The following AOPEP variants were observed in gnomAD, a reference collection of about 807,000 sequenced individuals.
AOPEP encodes aminopeptidase O.
AOPEP carries 77 observed loss-of-function variants against 98.1 expected under a neutral mutation model. That is an observed-to-expected ratio of 0.78 (90% CI 0.65 to 0.95). The LOEUF is 0.95. Among genes scored for constraint, AOPEP ranks in the 40% least tolerant of loss-of-function variants. The pLI is 0.00. For synonymous variants in AOPEP, 346 were observed against 365.3 expected, an observed-to-expected ratio of 0.95 and a Z score of 0.60; for missense variants, 1,024 against 1,024.7, an observed-to-expected ratio of 1.00 and a Z score of 0.01.
At chr9:95,150,096 G>C in the AOPEP span, 2 of 1,613,716 alleles carry the variant, frequency 1.2e-6, no homozygotes, top group African/African-American at 2.7e-5. Context: ...TTCTATGGAA[G>C]AAATAAGAAA....
intron 11 of AOPEP, among the ~76,000 whole-genome samples, chr9:95,002,209 T>C (rs1276920677): frequency 1.3e-5 from 2 of 152,202 alleles, no homozygotes; most frequent in Non-Finnish European, 2.9e-5. Context: ...TAGAAAGATA[T>C]TCATTTTAAG....
At chr9:95,139,555 C>T in the AOPEP span, among the ~76,000 whole-genome samples, 7 of 152,020 alleles carry the variant, frequency 4.6e-5, no homozygotes, top group South Asian at 2.1e-4. Flanking sequence ...CCTCGTGCCA[C>T]GGAGTATGCC....
the AOPEP span, chr9:95,109,592 T>C: frequency 6.6e-6 from 1 of 152,212 alleles, no homozygotes; most frequent in African/African-American, 2.4e-5. Context: ...AAGGGTGGCT[T>C]GCCCATGAGT....
intron 13 of AOPEP, among the ~76,000 whole-genome samples, chr9:95,016,473 C>A (rs932306706): frequency 4.0e-5 from 6 of 151,796 alleles, no homozygotes; most frequent in African/African-American, 1.2e-4. Context: ...GAACTCCTGA[C>A]CTCAGGTAAT....
chr9:94,920,625 G>A (rs557987751), intron 5 of AOPEP, among the ~76,000 whole-genome samples: 4 of 152,266 alleles, frequency 2.6e-5, no homozygotes, highest in Non-Finnish European at 4.4e-5. Context: ...CTCCATTTCC[G>A]CTCCAAATTG....
intron 5 of AOPEP, among the ~76,000 whole-genome samples, chr9:94,858,015 G>A (rs1478502799): frequency 1.3e-4 from 19 of 151,308 alleles, no homozygotes; most frequent in Admixed American, 1.2e-3. Context: ...CTGGGACTAA[G>A]CAAGTCTCCC....
intron 13 of AOPEP, among the ~76,000 whole-genome samples, chr9:95,044,448 G>A (rs2065648531): frequency 6.6e-6 from 1 of 152,130 alleles, no homozygotes; most frequent in Non-Finnish European, 1.5e-5. Flanking sequence ...TCAGAAATGG[G>A]AGCATCATGC....
chr9:94,892,028 G>T (rs758295974), intron 5 of AOPEP, among the ~76,000 whole-genome samples: 5 of 152,176 alleles, frequency 3.3e-5, no homozygotes, highest in Non-Finnish European at 7.4e-5. Flanking sequence ...GGCCTCCATA[G>T]TTTCAGATGG....
intron 11 of AOPEP, among the ~76,000 whole-genome samples, chr9:95,003,289 A>G (rs1237682867): frequency 6.6e-6 from 1 of 152,238 alleles, no homozygotes; most frequent in Non-Finnish European, 1.5e-5. Context: ...TTAATTTGCA[A>G]TAGTTGTCTT....
At chr9:94,727,243 A>G (rs1401614462) in intron 1 of AOPEP, among the ~76,000 whole-genome samples, 4 of 152,240 alleles carry the variant, frequency 2.6e-5, no homozygotes, top group African/African-American at 2.4e-5. Context: ...TGGGGTCCCT[A>G]TAGAACATTC....
chr9:95,015,721 A>C (rs962078263), intron 13 of AOPEP, among the ~76,000 whole-genome samples: 1 of 152,214 alleles, frequency 6.6e-6, no homozygotes, highest in African/African-American at 2.4e-5. Context: ...TTCATTGTCC[A>C]TAAGCCCTCC....
At position 94,760,595 on chromosome 9, in the gene AOPEP, C is replaced by G. The variant is rs1464072308; in HGVS notation, c.797+15C>G. On this transcript the variant is annotated intron_variant, in intron 2 of 16. Coordinates refer to ENST00000375315, the MANE Select transcript of AOPEP (RefSeq NM_001193329.3). The stretch of plus-strand genomic sequence containing the variant: ...CAGAGTGGCAGGTAGGTTATCCAAG[C>G]ACTTCAAAGCCCTGTGCCTGTTAAT... 1.3e-6 allele frequency: 2 copies of G among 1,525,332 alleles called. No individual in the cohort carries two copies. The highest frequency in any genetic ancestry group is 2.8e-5 in the African/African-American group (2 of 71,924). The allele number at this position is 1,525,332 out of a possible 1,614,324, so 94.5% of individuals were successfully genotyped here. A position where few individuals can be genotyped will look rare whatever the true frequency, so the allele number is the denominator to read the frequency against.
the AOPEP span, chr9:95,111,255 C>T: frequency 1.4e-5 from 21 of 1,542,474 alleles, no homozygotes; most frequent in Admixed American, 5.8e-5. Context: ...GGCAGCGTCT[C>T]GTCTCTGGCC....
chr9:95,099,797 A>C, the AOPEP span: 1 of 232,284 alleles, frequency 4.3e-6, no homozygotes, highest in African/African-American at 2.2e-5. Flanking sequence ...GAGATTCTGC[A>C]GATGGGCCGA....
intron 11 of AOPEP, among the ~76,000 whole-genome samples, chr9:94,989,395 C>T (rs1478178256): frequency 1.3e-5 from 2 of 151,874 alleles, no homozygotes; most frequent in Non-Finnish European, 2.9e-5. Context: ...GGCCACCGCG[C>T]CCAGCTAATT....
intron 12 of AOPEP, 72 bp downstream of exon 12, chr9:95,005,292 G>C: frequency 1.2e-6 from 1 of 832,284 alleles, no homozygotes; most frequent in Non-Finnish European, 1.5e-6. Flanking sequence ...AGAGGCCCTG[G>C]CTCTGCGCTG....
the AOPEP span, among the ~76,000 whole-genome samples, chr9:95,093,880 G>C: frequency 2.0e-5 from 3 of 152,234 alleles, no homozygotes; most frequent in African/African-American, 7.2e-5. Context: ...CCTCAGTGTA[G>C]CCTTGGGCAC....
intron 13 of AOPEP, among the ~76,000 whole-genome samples, chr9:95,032,144 AAC>A (rs2064363784): frequency 6.6e-6 from 1 of 152,216 alleles, no homozygotes; most frequent in African/African-American, 2.4e-5. Flanking sequence ...TGAGCCTGCA[AAC>A]ACACTTTATC....
intron 6 of AOPEP, among the ~76,000 whole-genome samples, chr9:94,925,225 G>A (rs2054138139): frequency 1.3e-5 from 2 of 152,144 alleles, no homozygotes; most frequent in Admixed American, 6.5e-5. Context: ...TCCTGACCTC[G>A]TGATCCGCCC....
Sources: allele counts gnomAD v4.1 joint callset (sites outside exome capture counted in the v4.1 genomes callset), GRCh38; gene constraint gnomAD v4.1.1; transcripts MANE v1.5; gene names NCBI Gene and HGNC (gene_info 2026-07-23, HGNC 2026-07-21).